The following ITPR2 variants were observed in gnomAD, a reference collection of about 807,000 sequenced individuals.
The protein encoded by ITPR2 is inositol 1,4,5-trisphosphate-gated calcium channel ITPR2.
ITPR2 carries 207 observed loss-of-function variants against 317.1 expected under a neutral mutation model. That is an observed-to-expected ratio of 0.65 (90% CI 0.58 to 0.73). ITPR2 has a LOEUF of 0.73. Ranked by LOEUF, ITPR2 falls within the 30% of genes least tolerant of loss-of-function variation. The probability of loss-of-function intolerance (pLI) is 0.00; values close to 1 mark genes in which losing one functional copy is unlikely to be tolerated. For missense variants in ITPR2, 2,613 were observed against 3,284.0 expected (o/e 0.80, Z 4.99); for synonymous variants, 1,156 against 1,149.1 (o/e 1.01, Z -0.12).
intron 37 of ITPR2, among the ~76,000 whole-genome samples, chr12:26,504,459 A>G (rs1380773006): frequency 1.3e-5 from 2 of 152,138 alleles, no homozygotes; most frequent in Non-Finnish European, 2.9e-5. Context: ...CTGAACTGGC[A>G]TTTCATATAA....
At chr12:26,416,648 T>A (rs979756940) in intron 50 of ITPR2, among the ~76,000 whole-genome samples, 1 of 152,202 alleles carries the variant, frequency 6.6e-6, no homozygotes, top group Non-Finnish European at 1.5e-5. Flanking sequence ...TTACGATGGT[T>A]AAATTTTTTA....
chr12:26,745,830 G>A (rs907471740), intron 2 of ITPR2, among the ~76,000 whole-genome samples: 2 of 151,950 alleles, frequency 1.3e-5, no homozygotes, highest in Admixed American at 1.3e-4. Context: ...TGAGCACACT[G>A]GCATAATAGA....
chr12:26,812,189 T>G (rs962828783), intron 1 of ITPR2, among the ~76,000 whole-genome samples: 1 of 148,274 alleles, frequency 6.7e-6, no homozygotes, highest in South Asian at 2.1e-4. Context: ...TAAAGAAATA[T>G]AGAAAAATAA....
intron 55 of ITPR2, among the ~76,000 whole-genome samples, chr12:26,372,895 GC>G (rs1217348627): frequency 2.0e-5 from 3 of 152,190 alleles, no homozygotes; most frequent in South Asian, 2.1e-4. Flanking sequence ...GCCTCCCACT[GC>G]CCCCCGACCC....
chr12:26,431,590 C>T (rs1592017707), intron 48 of ITPR2, among the ~76,000 whole-genome samples: 2 of 152,304 alleles, frequency 1.3e-5, no homozygotes, highest in Admixed American at 1.3e-4. Context: ...CTCTTCAAAG[C>T]CTGGCAATTA....
intron 37 of ITPR2, among the ~76,000 whole-genome samples, chr12:26,528,602 G>A (rs543732073): frequency 2.0e-5 from 3 of 152,272 alleles, no homozygotes; most frequent in African/African-American, 4.8e-5. Context: ...CAGGTTTATC[G>A]TAAATGAGAT....
intron 1 of ITPR2, among the ~76,000 whole-genome samples, chr12:26,810,538 T>C (rs1363760448): frequency 6.6e-6 from 1 of 152,198 alleles, no homozygotes; most frequent in African/African-American, 2.4e-5. Context: ...TTCCAAGAAC[T>C]TGGCAGTCCA....
rs570349349 is a variant in ITPR2, at chr12:26,470,198, A to T, written c.6342+5098T>A. On this transcript the variant is annotated intron_variant, in intron 45 of 56. Transcript: ENST00000381340. ...ATTCCTGCAAATCCTGCCCTCATGGATTGCTGTTACACTAAATTTTGGAAT... is the reference window on the plus strand; with the variant it reads ...ATTCCTGCAAATCCTGCCCTCATGGTTTGCTGTTACACTAAATTTTGGAAT... Among the ~76,000 whole-genome samples, 3 of 152,308 alleles carry T rather than the reference A, an allele frequency of 2.0e-5. No individual in the cohort carries two copies. In the South Asian group the frequency reaches 6.2e-4, roughly 32 times the overall value.
chr12:26,646,305 C>A (rs530441512), intron 21 of ITPR2, among the ~76,000 whole-genome samples: 5 of 151,722 alleles, frequency 3.3e-5, no homozygotes, highest in African/African-American at 1.2e-4. Context: ...ATATTTTCTT[C>A]CTTTCTCACC....
intron 21 of ITPR2, among the ~76,000 whole-genome samples, chr12:26,649,822 T>TAGATAGACAGAC (rs779584089): frequency 3.3e-5 from 4 of 119,914 alleles, no homozygotes; most frequent in African/African-American, 6.3e-5. Flanking sequence ...GATAGATAGA[T>TAGATAGACAGAC]AGACAGACAG....
intron 26 of ITPR2, among the ~76,000 whole-genome samples, chr12:26,619,015 C>G (rs1946435820): frequency 6.6e-6 from 1 of 152,180 alleles, no homozygotes; most frequent in African/African-American, 2.4e-5. Flanking sequence ...GGGAGCACAT[C>G]AACTTCTTAC....
intron 45 of ITPR2, among the ~76,000 whole-genome samples, chr12:26,474,588 TCGAGACCATC>T (rs1942367859): frequency 6.6e-6 from 1 of 151,656 alleles, no homozygotes; most frequent in South Asian, 2.1e-4. Flanking sequence ...GGTCAGGAGA[TCGAGACCATC>T]CCGGCTAAAG....
chr12:26,610,853 T>A (rs1309183722), intron 26 of ITPR2, among the ~76,000 whole-genome samples: 2 of 152,154 alleles, frequency 1.3e-5, no homozygotes, highest in African/African-American at 4.8e-5. Flanking sequence ...TCAGCATGGA[T>A]AATGAAGGAT....
intron 28 of ITPR2, 34 bp downstream of exon 28, chr12:26,602,336 A>G (rs1432672197): frequency 1.3e-6 from 2 of 1,569,932 alleles, no homozygotes; most frequent in Non-Finnish European, 1.7e-6. Flanking sequence ...TATCAAAATA[A>G]AAAGCTAAAG....
intron 5 of ITPR2, chr12:26,721,377 GA>G: frequency 1.8e-6 from 1 of 569,944 alleles, no homozygotes; most frequent in Non-Finnish European, 3.3e-6. Flanking sequence ...AAATTCACTG[GA>G]AAAATTAGAT....
Position 26,561,952 on chromosome 12 carries a change from G to A in ITPR2, c.4631C>T (p.Ala1544Val), listed in dbSNP as rs753895236. 1.4e-5 allele frequency: 21 copies of A among 1,505,446 alleles called. No homozygotes were observed. In the South Asian group the frequency reaches 2.7e-4, roughly 20 times the overall value. 93.3% of individuals were successfully genotyped at this position (1,505,446 alleles called of 1,614,324 possible). The change falls in exon 35 of 57, where the codon GCA becomes GTA. Residue 1544 changes from alanine (A) to valine (V), a missense_variant and splice_region_variant. Coordinates refer to ENST00000381340, the MANE Select transcript of ITPR2 (RefSeq NM_002223.4). ...ESCIRTLAEV[A>V]KNRGIAIPVD... ...TGGAATGGCAATTCCACGATTTTTT[G>A]CTGAAAAAGAAAGATTTAAAATATT...
chr12:26,544,352 A>G (rs1418135094), intron 37 of ITPR2, among the ~76,000 whole-genome samples: 1 of 152,214 alleles, frequency 6.6e-6, no homozygotes, highest in South Asian at 2.1e-4. Flanking sequence ...ATAAGCTTTT[A>G]ATAAATAATT....
At chr12:26,564,100 T>A (rs974461205) in intron 34 of ITPR2, among the ~76,000 whole-genome samples, 8 of 152,088 alleles carry the variant, frequency 5.3e-5, no homozygotes, top group African/African-American at 1.9e-4. Flanking sequence ...CTTGCATACA[T>A]AAACATGTGA....
chr12:26,411,341 T>C lies in ITPR2; in HGVS notation c.7378A>G (p.Thr2460Ala), dbSNP rs566154388. The change falls in exon 52 of 57, where the codon ACA (threonine) becomes GCA (alanine). Residue 2460 changes from threonine (T) to alanine (A), a missense_variant. This residue lies in a region of ITPR2 where 113 missense variants were observed against 129.2 expected (regional missense o/e 0.87). Coordinates refer to ENST00000381340, the MANE Select transcript of ITPR2 (RefSeq NM_002223.4). ...EACAKENCSP[T>A]IPASNTADEE... ...AAACCTGTATTTGAAGCTGGAATTG[T>C]GGGTGAACAGTTCTCCTTGGCACAT... The C allele has an allele frequency of 1.9e-6, 3 of 1,613,470 alleles. No individual in the cohort carries two copies. Among genetic ancestry groups the C allele is most frequent in the Non-Finnish European group, 2.5e-6 (3 of 1,179,542 alleles).
Sources: gnomAD v4.1 joint callset for allele counts (sites outside exome capture counted in the v4.1 genomes callset) on GRCh38, gnomAD v4.1.1 for gene constraint, gnomAD v4.1.1 regional missense constraint, MANE v1.5 for transcripts, NCBI Gene and HGNC (gene_info 2026-07-23, HGNC 2026-07-21) for gene names.